AKAP7: variants seen among roughly 807,000 people sequenced by gnomAD.
The protein encoded by AKAP7 is A kinase (PRKA) anchor protein 7.
AKAP7 carries 39 observed loss-of-function variants against 39.5 expected under a neutral mutation model. The ratio of observed to expected loss-of-function variants is 0.99; its 90% CI spans 0.76 to 1.29. The LOEUF (loss-of-function observed/expected upper bound fraction) is 1.29. Among genes scored for constraint, AKAP7 ranks in the 50% most tolerant of loss-of-function variants. The pLI is 0.00. For missense variants in AKAP7, 414 were observed against 407.7 expected (o/e 1.02, Z -0.13); for synonymous variants, 140 against 139.1 (o/e 1.01, Z -0.05).
chr6:131,227,494 G>A (rs953597992), intron 7 of AKAP7, among the ~76,000 whole-genome samples: 6 of 152,140 alleles, frequency 3.9e-5, no homozygotes, highest in African/African-American at 1.4e-4. Flanking sequence ...TTGCTTCAGC[G>A]GTACATACAC....
intron 7 of AKAP7, chr6:131,242,066 G>GT: frequency 1.0e-6 from 1 of 982,080 alleles, no homozygotes; most frequent in South Asian, 4.7e-5. Flanking sequence ...GTATCTGACC[G>GT]TAATATGTTT....
chr6:131,282,420 G>A lies in AKAP7; in HGVS notation c.*694G>A, dbSNP rs892397775. ...TTAGGCAAGAAACCTATTGGAATTCGAGACTTAATTAATGAAGCTTTGCAT... is the reference window on the plus strand; with the variant it reads ...TTAGGCAAGAAACCTATTGGAATTCAAGACTTAATTAATGAAGCTTTGCAT... On this transcript the variant is annotated 3_prime_UTR_variant, in exon 8 of 8. Transcript: ENST00000431975. The A allele has an allele frequency of 7.3e-6, 11 of 1,505,430 alleles. No homozygotes were observed. Among genetic ancestry groups the A allele is most frequent in the African/African-American group, 5.5e-5 (4 of 72,152 alleles). The allele number at this position is 1,505,430 out of a possible 1,614,324, so 93.3% of individuals were successfully genotyped here.
intron 7 of AKAP7, among the ~76,000 whole-genome samples, chr6:131,261,455 CTA>C (rs1241966000): frequency 1.3e-5 from 2 of 152,000 alleles, no homozygotes; most frequent in East Asian, 3.9e-4. Flanking sequence ...TTTTATGAAA[CTA>C]TTTTGTCCAC....
At chr6:131,173,200 C>CAAAAAA (rs67550717) in intron 5 of AKAP7, among the ~76,000 whole-genome samples, 2 of 108,934 alleles carry the variant, frequency 1.8e-5, no homozygotes, top group Non-Finnish European at 3.8e-5. Context: ...GACTCCATCT[C>CAAAAAA]AAAAAAAAAA....
At chr6:131,264,255 T>A (rs558808116) in intron 7 of AKAP7, among the ~76,000 whole-genome samples, 1 of 152,298 alleles carries the variant, frequency 6.6e-6, no homozygotes, top group Admixed American at 6.5e-5. Flanking sequence ...TAGATAGTAC[T>A]TGGAAAGTTG....
intron 1 of AKAP7, among the ~76,000 whole-genome samples, chr6:131,141,362 A>G (rs1201103467): frequency 1.3e-5 from 2 of 152,144 alleles, no homozygotes; most frequent in African/African-American, 4.8e-5. Context: ...TTTGCCTTCC[A>G]CTATGATTAT....
At chr6:131,279,546 C>T (rs148632641) in intron 7 of AKAP7, among the ~76,000 whole-genome samples, 1,978 of 152,240 alleles carry the variant, frequency 0.013, 40 homozygotes, top group African/African-American at 0.044. Context: ...GGATTACAGG[C>T]GTGAGCCACC....
intron 2 of AKAP7, among the ~76,000 whole-genome samples, chr6:131,153,792 G>A (rs528077239): frequency 6.6e-6 from 1 of 152,098 alleles, no homozygotes; most frequent in African/African-American, 2.4e-5. Flanking sequence ...ACTATACATG[G>A]CCACCCAATA....
At chr6:131,194,721 G>A (rs758812245) in intron 5 of AKAP7, among the ~76,000 whole-genome samples, 3 of 152,136 alleles carry the variant, frequency 2.0e-5, no homozygotes, top group Admixed American at 6.5e-5. Flanking sequence ...GTACTCCAAT[G>A]TTGGGTGTAA....
intron 7 of AKAP7, among the ~76,000 whole-genome samples, chr6:131,220,686 C>G (rs1328758727): frequency 1.3e-5 from 2 of 152,002 alleles, no homozygotes; most frequent in East Asian, 1.9e-4. Flanking sequence ...TTGTAGCAAC[C>G]CTGTATCAAT....
rs544181674 is a variant in AKAP7 at position 131,281,751 on chromosome 6, T to C, written c.*25T>C. On this transcript the variant is annotated 3_prime_UTR_variant, in exon 8 of 8. Coordinates refer to ENST00000431975, the MANE Select transcript of AKAP7 (RefSeq NM_016377.4). This position sits in a 1 kb window ranked among gnomAD's most constrained non-coding sequence, Gnocchi z 4.0. ...AGCCCGGAACGCAGGCCCCCATGTCTCTGTGCAAAGCCTCCCTGCTTCCCT... is the reference window on the plus strand; with the variant it reads ...AGCCCGGAACGCAGGCCCCCATGTCCCTGTGCAAAGCCTCCCTGCTTCCCT... 1 of 1,567,418 alleles carries C rather than the reference T, an allele frequency of 6.4e-7. No homozygotes were observed. Among genetic ancestry groups the C allele is most frequent in the Admixed American group, 1.8e-5 (1 of 54,970 alleles).
intron 6 of AKAP7, among the ~76,000 whole-genome samples, chr6:131,204,612 T>C (rs559589569): frequency 1.3e-5 from 2 of 152,282 alleles, no homozygotes; most frequent in South Asian, 4.1e-4. Context: ...ATATCCCCCT[T>C]GACATGCTGA....
At chr6:131,155,221 C>T (rs1802317158) in intron 2 of AKAP7, among the ~76,000 whole-genome samples, 1 of 152,036 alleles carries the variant, frequency 6.6e-6, no homozygotes, top group African/African-American at 2.4e-5. Context: ...GCTGTGTTGC[C>T]CAGCCTGGTT....
At chr6:131,223,644 T>G (rs1809898354) in intron 7 of AKAP7, among the ~76,000 whole-genome samples, 1 of 152,176 alleles carries the variant, frequency 6.6e-6, no homozygotes, top group African/African-American at 2.4e-5. Flanking sequence ...ATACTTCTTG[T>G]GTAGGACAGA....
the AKAP7 span, among the ~76,000 whole-genome samples, chr6:131,128,822 C>A: frequency 1.5e-3 from 193 of 124,908 alleles, no homozygotes; most frequent in African/African-American, 3.7e-3. Flanking sequence ...AACTCCATCT[C>A]AAAAAAAAAA....
chr6:131,216,475 G>A (rs549767627), intron 6 of AKAP7, among the ~76,000 whole-genome samples: 1 of 152,288 alleles, frequency 6.6e-6, no homozygotes, highest in African/African-American at 2.4e-5. Context: ...CTCTGGAGTG[G>A]ACTGTTTGAG....
intron 5 of AKAP7, among the ~76,000 whole-genome samples, chr6:131,180,151 A>G (rs1805019313): frequency 6.6e-6 from 1 of 152,176 alleles, no homozygotes; most frequent in Admixed American, 6.5e-5. Flanking sequence ...GCTCACTTCA[A>G]GTCCCTGTGC....
At chr6:131,134,884 C>T (rs930634662), upstream of AKAP7, among the ~76,000 whole-genome samples, 1 of 152,200 alleles carries the variant, frequency 6.6e-6, no homozygotes, top group Admixed American at 6.5e-5. Flanking sequence ...ATCCCAATAG[C>T]ATTCCGTTTC....
intron 5 of AKAP7, among the ~76,000 whole-genome samples, chr6:131,198,903 C>T (rs1387644033): frequency 1.3e-5 from 2 of 152,144 alleles, no homozygotes; most frequent in Admixed American, 6.6e-5. Flanking sequence ...AGTCTTACTT[C>T]TCAAGTATTC....
Sources: allele counts gnomAD v4.1 joint callset (sites outside exome capture counted in the v4.1 genomes callset), GRCh38; gene constraint gnomAD v4.1.1; non-coding constraint Gnocchi (gnomAD v3.1); transcripts MANE v1.5; gene names NCBI Gene and HGNC (gene_info 2026-07-23, HGNC 2026-07-21).